The following NLGN4X variants were observed in gnomAD, a reference collection of about 807,000 sequenced individuals.
NLGN4X encodes neuroligin-4, X-linked.
In NLGN4X, 3 loss-of-function variants were observed where a neutral mutation model predicts 40.3. That is an observed-to-expected ratio of 0.07 (90% CI 0.03 to 0.19). The LOEUF (loss-of-function observed/expected upper bound fraction) is 0.19. Among genes scored for constraint, NLGN4X ranks in the 10% least tolerant of loss-of-function variants. NLGN4X has a pLI of 1.00. For missense variants in NLGN4X, 382 were observed against 708.3 expected (o/e 0.54, Z 5.23); for synonymous variants, 270 against 306.8 (o/e 0.88, Z 1.25).
At chrX:6,107,363 C>T (rs1475804099) in intron 2 of NLGN4X, among the ~76,000 whole-genome samples, 2 of 110,915 alleles carry the variant, frequency 1.8e-5, no homozygotes, top group East Asian at 5.7e-4. Context: ...TAGCACTCCC[C>T]AAGCAGCCTG....
intron 2 of NLGN4X, among the ~76,000 whole-genome samples, chrX:6,102,643 TATAC>T (rs60184331): frequency 9.9e-4 from 103 of 104,407 alleles, no homozygotes; most frequent in East Asian, 7.5e-3. Flanking sequence ...TTGATAGATA[TATAC>T]ATACATACAT....
In NLGN4X at chrX:5,890,607, G is replaced by A; in HGVS notation, c.*2210C>T. On this transcript the variant is annotated 3_prime_UTR_variant, in exon 6 of 6. Coordinates refer to ENST00000381095, the MANE Select transcript of NLGN4X (RefSeq NM_181332.3). ...AGAGAGCCTATTTGTGGTTGCTCAG[G>A]TGGGGTCATACATTGCTTGCAGAAA... 1 of 328,118 alleles carries A rather than the reference G, an allele frequency of 3.0e-6. No homozygotes were observed. Among genetic ancestry groups the A allele is most frequent in the African/African-American group, 2.6e-5 (1 of 38,193 alleles). The allele number at this position is 328,118 out of a possible 1,213,427, so 27.0% of individuals were successfully genotyped here.
At chrX:6,011,635 A>C (rs2036255341) in intron 3 of NLGN4X, among the ~76,000 whole-genome samples, 1 of 110,689 alleles carries the variant, frequency 9.0e-6, no homozygotes, top group Non-Finnish European at 1.9e-5. Context: ...CATGGCCTAA[A>C]ATTGGCTTTC....
intron 2 of NLGN4X, among the ~76,000 whole-genome samples, chrX:6,072,179 T>C (rs771257328): frequency 9.0e-6 from 1 of 111,332 alleles, no homozygotes; most frequent in Non-Finnish European, 1.9e-5. Context: ...GGGATATGTA[T>C]CTTCAGCATG....
chrX:6,225,382 C>T (rs1157407438), intron 1 of NLGN4X, among the ~76,000 whole-genome samples: 2 of 109,079 alleles, frequency 1.8e-5, no homozygotes, highest in Non-Finnish European at 3.8e-5. Flanking sequence ...CAAATCTGCC[C>T]CCACAAAACG....
intron 1 of NLGN4X, chrX:6,226,683 A>G: frequency 8.3e-6 from 1 of 120,222 alleles, no homozygotes; most frequent in Non-Finnish European, 1.7e-5. Flanking sequence ...GGACAGGAGG[A>G]GGAAGGGGTG....
intron 3 of NLGN4X, among the ~76,000 whole-genome samples, chrX:5,964,454 AAAATTAAT>A (rs1259078827): frequency 8.9e-6 from 1 of 112,329 alleles, no homozygotes; most frequent in Non-Finnish European, 1.9e-5. Flanking sequence ...GTTAAATTTG[AAAATTAAT>A]GCCCTCAAAG....
At chrX:6,192,080 C>A (rs1343494504) in intron 1 of NLGN4X, among the ~76,000 whole-genome samples, 1 of 111,421 alleles carries the variant, frequency 9.0e-6, no homozygotes, top group Non-Finnish European at 1.9e-5. Context: ...AAAGTTTGGG[C>A]ATTCCTTAGA....
chrX:6,084,473 G>T (rs1447223152), intron 2 of NLGN4X, among the ~76,000 whole-genome samples: 1 of 111,383 alleles, frequency 9.0e-6, no homozygotes, highest in African/African-American at 3.3e-5. Flanking sequence ...GATTCTGGAA[G>T]ACAGGAGAGT....
At chrX:5,997,285 A>G (rs1354205137) in intron 3 of NLGN4X, among the ~76,000 whole-genome samples, 2 of 107,346 alleles carry the variant, frequency 1.9e-5, no homozygotes, top group African/African-American at 6.7e-5. Flanking sequence ...TTATACATAC[A>G]TTTATAAACT....
At chrX:5,960,874 T>C (rs188526863) in intron 3 of NLGN4X, among the ~76,000 whole-genome samples, 1,772 of 111,830 alleles carry the variant, frequency 0.016, 36 homozygotes, top group African/African-American at 0.055. Context: ...AATGTTATAC[T>C]TCACCACCAT....
intron 2 of NLGN4X, among the ~76,000 whole-genome samples, chrX:6,101,717 C>A (rs1244596570): frequency 9.1e-6 from 1 of 109,335 alleles, no homozygotes; most frequent in African/African-American, 3.3e-5. Flanking sequence ...TTAATGGGTA[C>A]AAAAATTATA....
chrX:6,158,091 T>G (rs961237665), intron 1 of NLGN4X, among the ~76,000 whole-genome samples: 12 of 112,140 alleles, frequency 1.1e-4, no homozygotes, highest in Non-Finnish European at 1.5e-4. Flanking sequence ...ACACAATTTC[T>G]AAATCTAAAT....
At chrX:6,220,734 CTTTTTTTTT>C (rs774553248) in intron 1 of NLGN4X, among the ~76,000 whole-genome samples, 1 of 66,753 alleles carries the variant, frequency 1.5e-5, no homozygotes, top group Non-Finnish European at 2.5e-5. Flanking sequence ...TTATAACTTT[CTTTTTTTTT>C]TTTTTTTTTT....
intron 2 of NLGN4X, among the ~76,000 whole-genome samples, chrX:6,078,571 T>C (rs901122550): frequency 1.8e-5 from 2 of 111,738 alleles, no homozygotes; most frequent in Non-Finnish European, 3.8e-5. Context: ...ACAGCAACTC[T>C]AATAATGTGC....
At chrX:6,088,794 A>T (rs1010600985) in intron 2 of NLGN4X, among the ~76,000 whole-genome samples, 6 of 112,131 alleles carry the variant, frequency 5.4e-5, no homozygotes, top group Non-Finnish European at 9.4e-5. Flanking sequence ...AGAATATATG[A>T]TGCCGAGTTC....
chrX:6,125,362 C>A (rs2039517773), intron 2 of NLGN4X, among the ~76,000 whole-genome samples: 1 of 110,175 alleles, frequency 9.1e-6, no homozygotes, highest in Non-Finnish European at 1.9e-5. Flanking sequence ...TATCGAAAAG[C>A]TTAATAATAT....
chrX:6,154,974 A>G (rs1237904807), intron 1 of NLGN4X, among the ~76,000 whole-genome samples: 1 of 111,614 alleles, frequency 9.0e-6, no homozygotes, highest in Non-Finnish European at 1.9e-5. Context: ...CCTTAAATTG[A>G]GATTGGTTTA....
At chrX:6,094,946 G>A (rs2038725912) in intron 2 of NLGN4X, among the ~76,000 whole-genome samples, 1 of 110,588 alleles carries the variant, frequency 9.0e-6, no homozygotes, top group African/African-American at 3.3e-5. Flanking sequence ...AATGTTTATG[G>A]TGTTAATGAA....
Sources: allele counts gnomAD v4.1 joint callset (sites outside exome capture counted in the v4.1 genomes callset), GRCh38; gene constraint gnomAD v4.1.1; transcripts MANE v1.5; gene names NCBI Gene and HGNC (gene_info 2026-07-23, HGNC 2026-07-21).